CUX2: variants seen among roughly 807,000 people sequenced by gnomAD.
CUX2 encodes the protein homeobox protein cut-like 2.
A neutral mutation model predicts 144.8 loss-of-function variants in CUX2; 40 were observed. The observed-to-expected ratio is 0.28, with a 90% CI of 0.21 to 0.36. CUX2 has a LOEUF of 0.36. Among genes scored for constraint, CUX2 ranks in the 10% least tolerant of loss-of-function variants. The pLI is 1.00. For synonymous variants in CUX2, 827 were observed against 875.6 expected, an observed-to-expected ratio of 0.94 and a Z score of 0.98; for missense variants, 1,615 against 1,994.0, an observed-to-expected ratio of 0.81 and a Z score of 3.62.
intron 1 of CUX2, among the ~76,000 whole-genome samples, chr12:111,142,920 T>C (rs954954567): frequency 3.9e-5 from 6 of 152,138 alleles, no homozygotes; most frequent in Middle Eastern, 3.2e-3. Flanking sequence ...CATTGCCCAA[T>C]CAGAAGGGAT....
intron 7 of CUX2, 119 bp from the exon 8 acceptor site, chr12:111,296,354 T>A: frequency 1.3e-6 from 1 of 781,980 alleles, no homozygotes; most frequent in Non-Finnish European, 2.1e-6. Context: ...TCTCCCTCAC[T>A]ACCCGAGCTC....
intron 1 of CUX2, among the ~76,000 whole-genome samples, chr12:111,153,937 A>G (rs1877219475): frequency 6.6e-6 from 1 of 152,180 alleles, no homozygotes; most frequent in South Asian, 2.1e-4. Flanking sequence ...TGGCTTGTAG[A>G]TGACCACCTT....
chr12:111,083,385 C>T (rs145224480), intron 1 of CUX2, among the ~76,000 whole-genome samples: 1,545 of 152,112 alleles, frequency 0.01, 17 homozygotes, highest in Non-Finnish European at 0.013. Flanking sequence ...AGCCTGGGGC[C>T]GGGGTCCAAG....
At chr12:111,301,666 G>A (rs1427906374) in intron 9 of CUX2, among the ~76,000 whole-genome samples, 7 of 152,134 alleles carry the variant, frequency 4.6e-5, no homozygotes, top group African/African-American at 7.2e-5. Context: ...CACCACAGCC[G>A]TAATTTTTTC....
At chr12:111,198,305 A>G (rs888379741) in intron 1 of CUX2, among the ~76,000 whole-genome samples, 1 of 152,010 alleles carries the variant, frequency 6.6e-6, no homozygotes, top group Non-Finnish European at 1.5e-5. Context: ...GCAAAACCCC[A>G]TCTCTACTGT....
chr12:111,190,834 G>A lies in CUX2; in HGVS notation c.64-23366G>A, dbSNP rs1879831777. ...CTGAATGCCCCGGCTTTTAATCTGTGTGCGTTGACTCCTGCCATGAAACTG... is the reference window on the plus strand; with the variant it reads ...CTGAATGCCCCGGCTTTTAATCTGTATGCGTTGACTCCTGCCATGAAACTG... On this transcript the variant is annotated intron_variant, in intron 1 of 21. Transcript: ENST00000261726. The surrounding 1 kb of genome is among the most constrained non-coding windows in gnomAD (Gnocchi z 4.0). 1.3e-5 allele frequency among the ~76,000 whole-genome samples: 2 copies of A among 152,294 alleles called. No individual in the cohort carries two copies. The highest frequency in any genetic ancestry group is 2.1e-4 in the South Asian group (1 of 4,826).
chr12:111,094,311 A>T (rs984930904), intron 1 of CUX2, among the ~76,000 whole-genome samples: 1 of 152,204 alleles, frequency 6.6e-6, no homozygotes, highest in Non-Finnish European at 1.5e-5. Context: ...TGGCCACCTC[A>T]TTGTGGCGGA....
Position 111,171,968 on chromosome 12 carries a change from C to G in CUX2, c.64-42232C>G, listed in dbSNP as rs1878552385. Among the ~76,000 whole-genome samples the G allele has an allele frequency of 6.6e-6, 1 of 151,694 alleles. No homozygotes were observed. The highest frequency in any genetic ancestry group is 6.6e-5 in the Admixed American group (1 of 15,260). ...ACGTGCGTGTGTGTGCGTGCATGTGCATGCACCTGTGTGTGTGTGCATGTG... is the reference window on the plus strand; with the variant it reads ...ACGTGCGTGTGTGTGCGTGCATGTGGATGCACCTGTGTGTGTGTGCATGTG... On this transcript the variant is annotated intron_variant, in intron 1 of 21. Coordinates refer to ENST00000261726, the MANE Select transcript of CUX2 (RefSeq NM_015267.4). This position sits in a 1 kb window ranked among gnomAD's most constrained non-coding sequence, Gnocchi z 5.0.
intron 1 of CUX2, among the ~76,000 whole-genome samples, chr12:111,121,214 A>G (rs1308441853): frequency 6.6e-6 from 1 of 151,824 alleles, no homozygotes; most frequent in Non-Finnish European, 1.5e-5. Context: ...TCCTCGCTCC[A>G]ATAACCTTTC....
At chr12:111,203,380 A>G (rs1269797171) in intron 1 of CUX2, among the ~76,000 whole-genome samples, 4 of 151,958 alleles carry the variant, frequency 2.6e-5, no homozygotes, top group Non-Finnish European at 5.9e-5. Flanking sequence ...CCTTGTCCCT[A>G]CAAAAAAATA....
At chr12:111,248,852 T>A (rs1425068940) in intron 3 of CUX2, among the ~76,000 whole-genome samples, 6 of 152,198 alleles carry the variant, frequency 3.9e-5, no homozygotes, top group Admixed American at 3.3e-4. Context: ...CTTCTGGTTT[T>A]TAAATACTGG....
chr12:111,311,121 G>A (rs182766475), intron 15 of CUX2, among the ~76,000 whole-genome samples: 3 of 152,324 alleles, frequency 2.0e-5, no homozygotes, highest in South Asian at 4.1e-4. Flanking sequence ...TTCACCCACT[G>A]GGTGACCTCA....
At chr12:111,126,947 G>A (rs1356627066) in intron 1 of CUX2, among the ~76,000 whole-genome samples, 3 of 152,160 alleles carry the variant, frequency 2.0e-5, no homozygotes, top group Admixed American at 2.0e-4. Context: ...GGAAGTAAAG[G>A]ACTTCAGTGA....
chr12:111,169,863 T>A (rs1878405593), intron 1 of CUX2, among the ~76,000 whole-genome samples: 1 of 152,052 alleles, frequency 6.6e-6, no homozygotes. Context: ...CTGGGGTGGC[T>A]GGTGGCAGGC....
At chr12:111,184,388 T>G (rs1291495271) in intron 1 of CUX2, among the ~76,000 whole-genome samples, 1 of 151,892 alleles carries the variant, frequency 6.6e-6, no homozygotes. Context: ...AACCTGAGTG[T>G]CCATGAGTAG....
rs538545436 is a variant in CUX2, at chr12:111,246,567, A to C, written c.223-17194A>C. Among the ~76,000 whole-genome samples, 2 of 152,328 alleles carry C rather than the reference A, an allele frequency of 1.3e-5. No homozygotes were observed. Among genetic ancestry groups the C allele is most frequent in the African/African-American group, 2.4e-5 (1 of 41,582 alleles). On this transcript the variant is annotated intron_variant, in intron 3 of 21. Transcript: ENST00000261726. The surrounding 1 kb of genome is among the most constrained non-coding windows in gnomAD (Gnocchi z 4.0). The stretch of plus-strand genomic sequence containing the variant: ...GGAAATCTTGATTTTTATGCAAAAA[A>C]CAAAAATCTCCGGATTCTTAAAGAT...
intron 1 of CUX2, among the ~76,000 whole-genome samples, chr12:111,038,579 T>A (rs1869576100): frequency 6.6e-6 from 1 of 152,264 alleles, no homozygotes; most frequent in South Asian, 2.1e-4. Flanking sequence ...ACCCACACCC[T>A]GTGGCCCTTT....
intron 1 of CUX2, among the ~76,000 whole-genome samples, chr12:111,168,596 G>A (rs1352554498): frequency 1.3e-5 from 2 of 152,204 alleles, no homozygotes; most frequent in African/African-American, 2.4e-5. Context: ...ACAACAGAGC[G>A]ACATTCCTGT....
chr12:111,205,205 C>G (rs1344889417), intron 1 of CUX2, among the ~76,000 whole-genome samples: 1 of 152,076 alleles, frequency 6.6e-6, no homozygotes, highest in Non-Finnish European at 1.5e-5. Context: ...CCCGGGTCAT[C>G]CCCCAGCCCC....
Sources: gnomAD v4.1 joint callset for allele counts (sites outside exome capture counted in the v4.1 genomes callset) on GRCh38, gnomAD v4.1.1 for gene constraint, Gnocchi (gnomAD v3.1) non-coding constraint, MANE v1.5 for transcripts, NCBI Gene and HGNC (gene_info 2026-07-23, HGNC 2026-07-21) for gene names.